The following GLI2 variants were observed in gnomAD, a reference collection of about 807,000 sequenced individuals.
GLI2 encodes transcription activator GLI2.
Under a neutral mutation model 78.9 loss-of-function variants are expected in GLI2, and 22 were observed. The observed-to-expected ratio is 0.28, with a 90% CI of 0.20 to 0.40. The LOEUF is 0.40. Among genes scored for constraint, GLI2 ranks in the 10% least tolerant of loss-of-function variants. The pLI, the probability that GLI2 is intolerant of heterozygous loss-of-function variation, is 1.00. For missense variants in GLI2, 2,097 were observed against 2,213.2 expected, an observed-to-expected ratio of 0.95 and a Z score of 1.05; for synonymous variants, 974 against 963.7, an observed-to-expected ratio of 1.01 and a Z score of -0.20.
At chr2:120,907,368 A>G (rs1678584849) in intron 2 of GLI2, among the ~76,000 whole-genome samples, 1 of 152,092 alleles carries the variant, frequency 6.6e-6, no homozygotes, top group South Asian at 2.1e-4. Flanking sequence ...TAAACCAGAG[A>G]AACTTCCCTG....
rs387907277 is a variant in GLI2 at position 120,984,672 on chromosome 2, G to A, written c.1834G>A (p.Glu612Lys). ...GTEPGGPEST[E>K]ASSTSQAVED... ...GGAGCCTGGCGGCCCAGAGAGCACC[G>A]AGGCCAGCAGCACCAGCCAGGCCGT... The change falls in exon 12 of 14, where the codon GAG (glutamate) becomes AAG (lysine). Residue 612 changes from glutamate (E) to lysine (K), a missense_variant. By Grantham distance (56) the Glu-to-Lys change is moderately conservative (BLOSUM62 1). Coordinates refer to ENST00000361492, the MANE Select transcript of GLI2 (RefSeq NM_001374353.1). The A allele has an allele frequency of 3.2e-5, 51 of 1,613,584 alleles. No individual in the cohort carries two copies. The South Asian group carries it at 3.4e-4, about 11-fold the overall frequency.
chr2:120,890,690 A>G (rs1395524754), intron 2 of GLI2, among the ~76,000 whole-genome samples: 4 of 152,170 alleles, frequency 2.6e-5, no homozygotes. Context: ...CGAAAAATAA[A>G]CAAGGTAATT....
At chr2:120,805,170 A>G (rs1195582870) in intron 2 of GLI2, among the ~76,000 whole-genome samples, 1 of 152,216 alleles carries the variant, frequency 6.6e-6, no homozygotes, top group African/African-American at 2.4e-5. Context: ...GTCCAGAATC[A>G]GCCTGGCCGC....
chr2:120,937,540 G>A (rs1488108352), intron 3 of GLI2, among the ~76,000 whole-genome samples: 1 of 152,116 alleles, frequency 6.6e-6, no homozygotes, highest in Non-Finnish European at 1.5e-5. Context: ...AACAGAAAGC[G>A]CTTATCAGCG....
At chr2:120,823,291 C>T (rs1024900806) in intron 2 of GLI2, among the ~76,000 whole-genome samples, 3 of 152,146 alleles carry the variant, frequency 2.0e-5, no homozygotes, top group African/African-American at 7.2e-5. Flanking sequence ...TAATTTACAG[C>T]AATCCCAAAT....
intron 2 of GLI2, among the ~76,000 whole-genome samples, chr2:120,922,595 T>C (rs929982175): frequency 6.6e-6 from 1 of 152,084 alleles, no homozygotes; most frequent in Admixed American, 6.5e-5. Flanking sequence ...AGGTTAATGG[T>C]AAAACTAAAG....
chr2:120,962,657 C>T (rs1457430101), intron 5 of GLI2, among the ~76,000 whole-genome samples: 2 of 152,194 alleles, frequency 1.3e-5, no homozygotes, highest in Non-Finnish European at 2.9e-5. Flanking sequence ...TCATAAATCA[C>T]AGGAGAAACC....
chr2:120,882,050 G>C (rs991506905), intron 2 of GLI2, among the ~76,000 whole-genome samples: 5 of 152,052 alleles, frequency 3.3e-5, no homozygotes, highest in African/African-American at 9.7e-5. Flanking sequence ...CCAGGTCCAG[G>C]GTGCAGTGGC....
At chr2:120,923,623 C>G (rs1328695888) in intron 2 of GLI2, among the ~76,000 whole-genome samples, 4 of 152,090 alleles carry the variant, frequency 2.6e-5, no homozygotes, top group Non-Finnish European at 5.9e-5. Context: ...AACACACACA[C>G]CACATGCACA....
chr2:120,945,782 G>C (rs1107446), intron 3 of GLI2, among the ~76,000 whole-genome samples: 136,029 of 152,152 alleles, frequency 0.89, 62,376 homozygotes, highest in East Asian at 1. Context: ...AAGCTGCTGT[G>C]TTGGGCACAT....
At chr2:120,795,711 G>T (rs1325029041) in intron 1 of GLI2, among the ~76,000 whole-genome samples, 2 of 151,980 alleles carry the variant, frequency 1.3e-5, no homozygotes, top group Non-Finnish European at 2.9e-5. Context: ...ACTCCTCCAG[G>T]TGTCCAGCCA....
In GLI2 at chr2:120,797,386, C is replaced by T. The variant is rs752414968; in HGVS notation, c.66C>T (p.Ala22=). 4.9e-5 allele frequency: 79 copies of T among 1,613,868 alleles called. No individual in the cohort carries two copies. The Admixed American group carries it at 8.7e-4, about 18-fold the overall frequency. The change falls in exon 2 of 14, where the codon GCC becomes GCT. Residue 22 remains alanine, a synonymous_variant. Transcript: ENST00000361492. ...KQEAKSGILE[A]AGFPDPGKKA... is the part of the protein sequence containing the mutation. Reference sequence around the variant, plus strand: ...AAGCCAAAAGTGGGATCCTGGAGGCCGCTGGCTTCCCCGACCCGGGTAAAA... The same window carrying T: ...AAGCCAAAAGTGGGATCCTGGAGGCTGCTGGCTTCCCCGACCCGGGTAAAA...
intron 5 of GLI2, among the ~76,000 whole-genome samples, chr2:120,966,944 G>C (rs979437015): frequency 4.6e-5 from 7 of 152,362 alleles, no homozygotes; most frequent in Non-Finnish European, 7.3e-5. Flanking sequence ...CCGCCAAGAG[G>C]CTGTGTGTAC....
chr2:120,910,394 A>G (rs1439398370), intron 2 of GLI2, among the ~76,000 whole-genome samples: 1 of 152,232 alleles, frequency 6.6e-6, no homozygotes, highest in Non-Finnish European at 1.5e-5. Context: ...CCCATTTCCT[A>G]GCAGCAGTCA....
intron 2 of GLI2, among the ~76,000 whole-genome samples, chr2:120,810,503 T>A (rs183634155): frequency 1.3e-3 from 205 of 152,252 alleles, no homozygotes; most frequent in Admixed American, 3.7e-3. Context: ...GGCCTCATCC[T>A]GTCCTCAGGG....
At position 120,984,457 on chromosome 2, in the gene GLI2, G is replaced by T; in HGVS notation, c.1633-14G>T. ...GTACCCCTATCCATGACACAGGCCT[G>T]CTTCTCTCCCCAGAAACCCTACATC... On this transcript the variant is annotated splice_polypyrimidine_tract_variant and intron_variant, in intron 11 of 13. Coordinates refer to ENST00000361492, the MANE Select transcript of GLI2 (RefSeq NM_001374353.1). 2 of 1,614,034 alleles carry T rather than the reference G, an allele frequency of 1.2e-6. No individual in the cohort carries two copies.
In GLI2 at chr2:120,973,225, T is replaced by G. The variant is rs1246042526; in HGVS notation, c.1182+1162T>G. On this transcript the variant is annotated intron_variant, in intron 8 of 13. Coordinates refer to ENST00000361492, the MANE Select transcript of GLI2 (RefSeq NM_001374353.1). ...GACACCAAAGCCGGTCTCAGCACGA[T>G]GCATGGTTTCCACGGGGCCGACCAT... is the stretch of plus-strand genomic sequence containing the variant. Among the ~76,000 whole-genome samples, 4 of 152,362 alleles carry G rather than the reference T, an allele frequency of 2.6e-5. No homozygotes were observed. The South Asian group carries it at 8.3e-4, about 32-fold the overall frequency.
intron 2 of GLI2, among the ~76,000 whole-genome samples, chr2:120,909,262 C>CT (rs1678692506): frequency 6.6e-6 from 1 of 151,962 alleles, no homozygotes; most frequent in South Asian, 2.1e-4. Flanking sequence ...GTGTTCCCTG[C>CT]CTGGCTGGGC....
At position 120,761,191 on chromosome 2, in the gene GLI2, G is replaced by A. The variant is rs530317511; in HGVS notation, c.-31+24906G>A. The stretch of plus-strand genomic sequence containing the variant: ...CCTTGTTTACCAGACTCCACTGGCT[G>A]CATTCAGGCTAGAATCTGGGCTACA... On this transcript the variant is annotated intron_variant, in intron 1 of 13. Coordinates refer to ENST00000361492, the MANE Select transcript of GLI2 (RefSeq NM_001374353.1). Among the ~76,000 whole-genome samples, 5 of 152,354 alleles carry A rather than the reference G, an allele frequency of 3.3e-5. No individual in the cohort carries two copies. In the East Asian group the frequency reaches 9.6e-4, roughly 29 times the overall value.
Sources: allele counts gnomAD v4.1 joint callset (sites outside exome capture counted in the v4.1 genomes callset), GRCh38; gene constraint gnomAD v4.1.1; transcripts MANE v1.5; gene names NCBI Gene and HGNC (gene_info 2026-07-23, HGNC 2026-07-21).